GALNT7: variants seen among roughly 807,000 people sequenced by gnomAD.
The protein encoded by GALNT7 is N-acetylgalactosaminyltransferase 7.
A neutral mutation model predicts 82.1 loss-of-function variants in GALNT7; 60 were observed. That is an observed-to-expected ratio of 0.73 (90% CI 0.59 to 0.91). The LOEUF is 0.91. GALNT7 is among the 40% of genes least tolerant of loss of function. The probability of loss-of-function intolerance (pLI) is 0.00; values close to 1 mark genes in which losing one functional copy is unlikely to be tolerated. For missense variants in GALNT7, 660 were observed against 804.2 expected, an observed-to-expected ratio of 0.82 and a Z score of 2.17; for synonymous variants, 243 against 275.1, an observed-to-expected ratio of 0.88 and a Z score of 1.15.
chr4:173,289,859 C>G (rs1736471423), intron 2 of GALNT7, among the ~76,000 whole-genome samples: 1 of 152,158 alleles, frequency 6.6e-6, no homozygotes. Context: ...ACTTTTCAGG[C>G]AGACCATTTC....
chr4:173,312,135 A>G (rs112458117), intron 8 of GALNT7, among the ~76,000 whole-genome samples: 35 of 152,328 alleles, frequency 2.3e-4, no homozygotes, highest in African/African-American at 7.7e-4. Context: ...GATACTTACT[A>G]TCTGGCCCTT....
chr4:173,286,216 A>T (rs1369111247), intron 2 of GALNT7, among the ~76,000 whole-genome samples: 3 of 152,224 alleles, frequency 2.0e-5, no homozygotes, highest in Non-Finnish European at 2.9e-5. Context: ...ACTGGTTTGC[A>T]CCACTACCTT....
intron 2 of GALNT7, among the ~76,000 whole-genome samples, chr4:173,288,863 A>G: frequency 6.6e-6 from 1 of 151,946 alleles, no homozygotes; most frequent in Non-Finnish European, 1.5e-5. Flanking sequence ...TTGTCTTAGT[A>G]ATCAGGAATG....
chr4:173,175,614 C>G (rs984771518), intron 1 of GALNT7, among the ~76,000 whole-genome samples: 1 of 152,220 alleles, frequency 6.6e-6, no homozygotes, highest in African/African-American at 2.4e-5. Flanking sequence ...TACCATGATT[C>G]AGCTTACGAT....
Position 173,321,734 on chromosome 4 carries a change from C to A in GALNT7, c.*17C>A, listed in dbSNP as rs771685808. 5 of 1,569,806 alleles carry A rather than the reference C, an allele frequency of 3.2e-6. No individual in the cohort carries two copies. The South Asian group carries it at 5.6e-5, about 17-fold the overall frequency. ...AGTGTTTAGAGAGAAAAAAATAAAC[C>A]AATAACCTACCTACTGACAAGTAAA... On this transcript the variant is annotated 3_prime_UTR_variant, in exon 12 of 12. Transcript: ENST00000265000.
intron 1 of GALNT7, among the ~76,000 whole-genome samples, chr4:173,182,280 A>G (rs1054674477): frequency 6.6e-6 from 1 of 152,256 alleles, no homozygotes; most frequent in Non-Finnish European, 1.5e-5. Context: ...TAAGGAATAG[A>G]TGCTTTTTTA....
chr4:173,205,895 G>A (rs1049132048), intron 1 of GALNT7, among the ~76,000 whole-genome samples: 16 of 152,128 alleles, frequency 1.1e-4, no homozygotes, highest in Admixed American at 1.0e-3. Flanking sequence ...TGGGGCTGTT[G>A]GGGTTGGCCT....
chr4:173,295,694 T>C, intron 4 of GALNT7, 70 bp from the exon 5 acceptor site: 1 of 1,166,004 alleles, frequency 8.6e-7, no homozygotes, highest in Non-Finnish European at 1.3e-6. Flanking sequence ...AGCATCTAAT[T>C]TTAAATTGTG....
chr4:173,234,825 A>G (rs1196695288), intron 1 of GALNT7, among the ~76,000 whole-genome samples: 1 of 152,128 alleles, frequency 6.6e-6, no homozygotes, highest in African/African-American at 2.4e-5. Flanking sequence ...AAAACAAAAA[A>G]AAACTGGCAC....
intron 1 of GALNT7, among the ~76,000 whole-genome samples, chr4:173,212,409 T>G (rs1158644005): frequency 6.6e-6 from 1 of 152,206 alleles, no homozygotes; most frequent in Admixed American, 6.5e-5. Context: ...AAAAAGCATT[T>G]TAAAGGTCCA....
In GALNT7 at chr4:173,194,210, A is replaced by G. The variant is rs1389285094; in HGVS notation, c.126+25249A>G. ...TAGGCTTAGGAGACTAAGGATGTAAACTAATTGGGGTTCTTATTGTCAGAT... is the reference window on the plus strand; with the variant it reads ...TAGGCTTAGGAGACTAAGGATGTAAGCTAATTGGGGTTCTTATTGTCAGAT... On this transcript the variant is annotated intron_variant, in intron 1 of 11. Coordinates refer to ENST00000265000, the MANE Select transcript of GALNT7 (RefSeq NM_017423.3). Among the ~76,000 whole-genome samples the G allele has an allele frequency of 2.0e-5, 3 of 152,326 alleles. No individual in the cohort carries two copies. In the East Asian group the frequency reaches 5.8e-4, roughly 29 times the overall value.
intron 1 of GALNT7, among the ~76,000 whole-genome samples, chr4:173,245,562 A>G (rs1734595452): frequency 6.6e-6 from 1 of 152,210 alleles, no homozygotes; most frequent in South Asian, 2.1e-4. Context: ...CTGTGAAAGG[A>G]AAAACTGAAG....
chr4:173,285,013 AT>A (rs1413261696), intron 2 of GALNT7, among the ~76,000 whole-genome samples: 3 of 152,192 alleles, frequency 2.0e-5, no homozygotes, highest in African/African-American at 4.8e-5. Context: ...ACAGAAAAAA[AT>A]ATATAATACC....
At chr4:173,259,657 A>G (rs1309272243) in intron 2 of GALNT7, among the ~76,000 whole-genome samples, 2 of 151,904 alleles carry the variant, frequency 1.3e-5, no homozygotes, top group African/African-American at 4.8e-5. Context: ...TGTTTTTGAG[A>G]GAGAGCGTCT....
intron 8 of GALNT7, among the ~76,000 whole-genome samples, chr4:173,307,041 C>T (rs993467941): frequency 2.6e-5 from 4 of 152,172 alleles, no homozygotes; most frequent in African/African-American, 9.7e-5. Context: ...GCAGATCAGC[C>T]CACCAAGGTC....
At chr4:173,228,122 A>G (rs1022146214) in intron 1 of GALNT7, among the ~76,000 whole-genome samples, 12 of 151,596 alleles carry the variant, frequency 7.9e-5, no homozygotes, top group African/African-American at 2.9e-4. Context: ...TAGCAGGTCA[A>G]TTTTTTTCTG....
intron 2 of GALNT7, among the ~76,000 whole-genome samples, chr4:173,275,274 T>C (rs1445186115): frequency 1.3e-5 from 2 of 152,236 alleles, no homozygotes; most frequent in African/African-American, 4.8e-5. Context: ...AATGACGATG[T>C]GACCTTTAAG....
chr4:173,311,829 C>CT (rs1315080643), intron 8 of GALNT7, among the ~76,000 whole-genome samples: 3 of 152,134 alleles, frequency 2.0e-5, no homozygotes, highest in South Asian at 4.1e-4. Flanking sequence ...CTTATAACAG[C>CT]TTTTTTTAAA....
chr4:173,304,034 T>C lies in GALNT7; in HGVS notation c.1305T>C (p.Cys435=). Residue 435 remains cysteine (C), a synonymous_variant, in exon 8 of 12, where the codon TGT becomes TGC. Transcript: ENST00000265000. ...QCGGKLLFVP[C]SRVGHIYRLE... ...GTGGCAAATTATTATTTGTTCCTTG[T>C]TCTCGTGTTGGACATATCTACCGTC... 1 of 1,612,444 alleles carries C rather than the reference T, an allele frequency of 6.2e-7. No homozygotes were observed. Among genetic ancestry groups the C allele is most frequent in the Non-Finnish European group, 8.5e-7 (1 of 1,178,608 alleles).
Sources: allele counts gnomAD v4.1 joint callset (sites outside exome capture counted in the v4.1 genomes callset), GRCh38; gene constraint gnomAD v4.1.1; transcripts MANE v1.5; gene names NCBI Gene and HGNC (gene_info 2026-07-23, HGNC 2026-07-21).